Variants in BTBD9 observed in about 807,000 individuals in gnomAD.
BTBD9 encodes the protein BTB domain containing 9.
In BTBD9, 49 loss-of-function variants were observed where a neutral mutation model predicts 64.3. The observed-to-expected ratio is 0.76, with a 90% CI of 0.61 to 0.97. BTBD9 has a LOEUF of 0.97. Among genes scored for constraint, BTBD9 ranks in the 50% least tolerant of loss-of-function variants. The pLI, the probability that BTBD9 is intolerant of heterozygous loss-of-function variation, is 0.00. For missense variants in BTBD9, 598 were observed against 762.1 expected, an observed-to-expected ratio of 0.78 and a Z score of 2.53; for synonymous variants, 260 against 274.7, an observed-to-expected ratio of 0.95 and a Z score of 0.53.
chr6:38,447,281 T>C (rs982705826), intron 6 of BTBD9, among the ~76,000 whole-genome samples: 4 of 152,216 alleles, frequency 2.6e-5, no homozygotes, highest in African/African-American at 9.6e-5. Context: ...TGGGTCACTG[T>C]ATATAGCAAT....
chr6:38,247,902 C>T (rs1764265698), intron 9 of BTBD9, among the ~76,000 whole-genome samples: 1 of 151,932 alleles, frequency 6.6e-6, no homozygotes, highest in Non-Finnish European at 1.5e-5. Context: ...CAAGGACAAG[C>T]ATCCATAAAA....
intron 8 of BTBD9, among the ~76,000 whole-genome samples, chr6:38,274,633 A>T (rs1286666804): frequency 6.6e-6 from 1 of 152,210 alleles, no homozygotes; most frequent in Non-Finnish European, 1.5e-5. Context: ...ATCTATTGAG[A>T]TAATCATGTG....
intron 6 of BTBD9, among the ~76,000 whole-genome samples, chr6:38,410,537 T>A (rs926937460): frequency 3.3e-5 from 5 of 152,284 alleles, no homozygotes; most frequent in African/African-American, 1.2e-4. Flanking sequence ...AAACTTAGCA[T>A]TTTTTATTCC....
chr6:38,265,714 T>G (rs548893171), intron 8 of BTBD9, among the ~76,000 whole-genome samples: 1 of 152,088 alleles, frequency 6.6e-6, no homozygotes, highest in African/African-American at 2.4e-5. Context: ...GAGAAGGTGA[T>G]TTGCCATGTT....
At chr6:38,280,212 GCC>G in intron 8 of BTBD9, among the ~76,000 whole-genome samples, 1 of 152,272 alleles carries the variant, frequency 6.6e-6, no homozygotes, top group Non-Finnish European at 1.5e-5. Context: ...AGGATTTCTG[GCC>G]CTCTATGCAT....
chr6:38,621,346 A>G (rs548345822), intron 1 of BTBD9, among the ~76,000 whole-genome samples: 1 of 152,328 alleles, frequency 6.6e-6, no homozygotes, highest in African/African-American at 2.4e-5. Context: ...GGAACCAATC[A>G]AGCATGACTG....
chr6:38,473,518 C>A (rs1357883116), intron 6 of BTBD9, among the ~76,000 whole-genome samples: 1 of 152,166 alleles, frequency 6.6e-6, no homozygotes, highest in Non-Finnish European at 1.5e-5. Context: ...CATTAAAGCC[C>A]TCATTCATCA....
chr6:38,590,139 T>C (rs1199855486), intron 4 of BTBD9, among the ~76,000 whole-genome samples: 3 of 152,090 alleles, frequency 2.0e-5, no homozygotes, highest in Non-Finnish European at 2.9e-5. Flanking sequence ...GTTGAGGATA[T>C]AGAGATCAAT....
At chr6:38,603,981 C>T (rs1167779185) in intron 1 of BTBD9, among the ~76,000 whole-genome samples, 1 of 152,154 alleles carries the variant, frequency 6.6e-6, no homozygotes, top group Non-Finnish European at 1.5e-5. Flanking sequence ...AAAAAAATCA[C>T]ATTCTACTTC....
At chr6:38,537,659 T>C (rs2748160) in intron 6 of BTBD9, among the ~76,000 whole-genome samples, 148,139 of 152,342 alleles carry the variant, frequency 0.97, 72,037 homozygotes, top group East Asian at 0.99. Context: ...TTATGCTATG[T>C]ACAAAGAAAA....
intron 1 of BTBD9, chr6:38,612,878 A>G (rs952373334): frequency 2.0e-5 from 3 of 151,998 alleles, no homozygotes; most frequent in Non-Finnish European, 4.4e-5. Flanking sequence ...TCAGCAAACC[A>G]AGGTTTGCTC....
chr6:38,290,190 G>T (rs917014766), intron 7 of BTBD9, among the ~76,000 whole-genome samples: 2 of 149,828 alleles, frequency 1.3e-5, no homozygotes, highest in Non-Finnish European at 3.0e-5. Context: ...GAGAGAGGAT[G>T]AATTTTTCTG....
intron 2 of BTBD9, 113 bp downstream of exon 2, chr6:38,597,797 G>T: frequency 1.2e-6 from 1 of 853,682 alleles, no homozygotes; most frequent in Non-Finnish European, 1.8e-6. Context: ...ATATTGAATT[G>T]AGAGACTGCA....
chr6:38,236,938 C>T (rs1449893350), intron 9 of BTBD9, among the ~76,000 whole-genome samples: 2 of 152,172 alleles, frequency 1.3e-5, no homozygotes, highest in East Asian at 3.8e-4. Flanking sequence ...GATGGCTGTG[C>T]CAAATGAACA....
At position 38,417,390 on chromosome 6, in the gene BTBD9, T is replaced by G. The variant is rs576332873; in HGVS notation, c.1155-72297A>C. Among the ~76,000 whole-genome samples, 5 of 152,362 alleles carry G rather than the reference T, an allele frequency of 3.3e-5. No individual in the cohort carries two copies. The South Asian group carries it at 8.3e-4, about 25-fold the overall frequency. ...ATCTAATTCACATGTAAAAGTTAAC[T>G]GTTTTTAAATCCATATCCTTGCCTA... On this transcript the variant is annotated intron_variant, in intron 6 of 10. Coordinates refer to ENST00000481247, the MANE Select transcript of BTBD9 (RefSeq NM_001099272.2).
chr6:38,613,367 A>G (rs569688910), intron 1 of BTBD9, among the ~76,000 whole-genome samples: 1 of 152,338 alleles, frequency 6.6e-6, no homozygotes, highest in African/African-American at 2.4e-5. Context: ...CACGCTTGTA[A>G]TCCCAAAACT....
chr6:38,379,720 ACAAT>A (rs760864335), intron 6 of BTBD9, among the ~76,000 whole-genome samples: 33 of 152,354 alleles, frequency 2.2e-4, no homozygotes, highest in Admixed American at 2.6e-4. Context: ...TTCAGGAAAA[ACAAT>A]CAAACAAGAA....
chr6:38,420,939 A>G (rs1304163576), intron 6 of BTBD9, among the ~76,000 whole-genome samples: 1 of 152,198 alleles, frequency 6.6e-6, no homozygotes, highest in Non-Finnish European at 1.5e-5. Flanking sequence ...AAAACTATAC[A>G]TTTTATAACT....
At chr6:38,313,255 A>C (rs1762908044) in intron 7 of BTBD9, among the ~76,000 whole-genome samples, 1 of 152,226 alleles carries the variant, frequency 6.6e-6, no homozygotes, top group African/African-American at 2.4e-5. Flanking sequence ...ACTTTACTGA[A>C]TTGATCAGTT....
Sources: gnomAD v4.1 joint callset for allele counts (sites outside exome capture counted in the v4.1 genomes callset) on GRCh38, gnomAD v4.1.1 for gene constraint, MANE v1.5 for transcripts, NCBI Gene and HGNC (gene_info 2026-07-23, HGNC 2026-07-21) for gene names.